Variants in SLC34A1 observed in about 807,000 individuals in gnomAD.
SLC34A1 encodes the protein solute carrier family 34 member 1, also known as sodium-dependent phosphate transport protein 2A.
Under a neutral mutation model 51.4 loss-of-function variants are expected in SLC34A1, and 57 were observed. The observed-to-expected ratio is 1.11, with a 90% CI of 0.90 to 1.38. The LOEUF (loss-of-function observed/expected upper bound fraction) is 1.38, where lower values mean the gene tolerates loss of function less well. Ranked by LOEUF, SLC34A1 falls within the 40% of genes most tolerant of loss-of-function variation. SLC34A1 has a pLI of 0.00. For synonymous variants in SLC34A1, 368 were observed against 358.0 expected (o/e 1.03, Z -0.32); for missense variants, 796 against 835.6 (o/e 0.95, Z 0.58).
rs1024860445 is a variant in SLC34A1 at position 177,398,542 on chromosome 5, A to G, written c.*256A>G. ...TGTGCCAGCCCATGCAGGTGTACAC[A>G]GACACACCTGTGGGAGGCTGTGTGC... is the stretch of plus-strand genomic sequence containing the variant. On this transcript the variant is annotated 3_prime_UTR_variant, in exon 13 of 13. Coordinates refer to ENST00000324417, the MANE Select transcript of SLC34A1 (RefSeq NM_003052.5). The surrounding 1 kb of genome is among the most constrained non-coding windows in gnomAD (Gnocchi z 4.7). 5 of 585,728 alleles carry G rather than the reference A, an allele frequency of 8.5e-6. No homozygotes were observed. Among genetic ancestry groups the G allele is most frequent in the African/African-American group, 7.4e-5 (4 of 53,820 alleles). The allele number at this position is 585,728 out of a possible 1,614,324, so 36.3% of individuals were successfully genotyped here.
chr5:177,389,382 G>C (rs1162246752), intron 8 of SLC34A1, among the ~76,000 whole-genome samples: 1 of 148,770 alleles, frequency 6.7e-6, no homozygotes, highest in African/African-American at 2.6e-5. Flanking sequence ...CCTTCCCCTT[G>C]CTGCTTCTTG....
In SLC34A1 at chr5:177,386,660, G is replaced by A. The variant is rs1762585929; in HGVS notation, c.532+94G>A. 1 of 1,477,254 alleles carries A rather than the reference G, an allele frequency of 6.8e-7. No homozygotes were observed. Among genetic ancestry groups the A allele is most frequent in the South Asian group, 1.1e-5 (1 of 88,150 alleles). The allele number at this position is 1,477,254 out of a possible 1,614,324, so 91.5% of individuals were successfully genotyped here. The stretch of plus-strand genomic sequence containing the variant: ...GGGGAGCGTGACCCCAGTAAGGCTG[G>A]CCTCCATTCAGCTTGACTCCTGTAT... On this transcript the variant is annotated intron_variant, in intron 5 of 12. Coordinates refer to ENST00000324417, the MANE Select transcript of SLC34A1 (RefSeq NM_003052.5). The surrounding 1 kb of genome is among the most constrained non-coding windows in gnomAD (Gnocchi z 4.8).
chr5:177,386,206 G>C lies in SLC34A1; in HGVS notation c.260-15G>C. 1 of 1,614,136 alleles carries C rather than the reference G, an allele frequency of 6.2e-7. No homozygotes were observed. The highest frequency in any genetic ancestry group is 8.5e-7 in the Non-Finnish European group (1 of 1,180,028). ...CTGGCCTCTGCCCACTATGCTCATG[G>C]CTTCCCCCATCCAGAGTCCAGGCTG... On this transcript the variant is annotated splice_polypyrimidine_tract_variant and intron_variant, in intron 3 of 12. Transcript: ENST00000324417. This position sits in a 1 kb window ranked among gnomAD's most constrained non-coding sequence, Gnocchi z 4.8.
intron 5 of SLC34A1, among the ~76,000 whole-genome samples, chr5:177,387,327 A>G (rs532429785): frequency 3.3e-4 from 50 of 152,218 alleles, no homozygotes; most frequent in South Asian, 1.0e-3. Context: ...CCCAGGAGGC[A>G]GAGCTTGCAG....
In SLC34A1 at chr5:177,398,081, G is replaced by A. The variant is rs753244775; in HGVS notation, c.1715G>A (p.Trp572Ter). Reference sequence around the variant, plus strand: ...CGGAGTCCCGGGCACCTGCCCAAGTGGTTACAGACATGGGACTTCCTGCCT... The same window carrying A: ...CGGAGTCCCGGGCACCTGCCCAAGTAGTTACAGACATGGGACTTCCTGCCT... ...QSRSPGHLPK[W>*]LQTWDFLPRW... The change falls in exon 13 of 13, where the codon TGG (tryptophan) becomes TAG (stop). Residue 572 changes from tryptophan to a stop codon, truncating the protein, a stop_gained. Coordinates refer to ENST00000324417, the MANE Select transcript of SLC34A1 (RefSeq NM_003052.5). LOFTEE classifies it high-confidence loss of function. This position sits in a 1 kb window ranked among gnomAD's most constrained non-coding sequence, Gnocchi z 4.7. 16 of 1,613,232 alleles carry A rather than the reference G, an allele frequency of 9.9e-6. No homozygotes were observed. The East Asian group carries it at 3.1e-4, about 31-fold the overall frequency.
At chr5:177,389,033 G>A (rs879378224) in intron 8 of SLC34A1, among the ~76,000 whole-genome samples, 3 of 152,138 alleles carry the variant, frequency 2.0e-5, no homozygotes, top group Admixed American at 6.5e-5. Flanking sequence ...CGCTTGTGCT[G>A]GCATCGGGGG....
chr5:177,393,719 A>G lies in SLC34A1; in HGVS notation c.962A>G (p.Glu321Gly). The change falls in exon 9 of 13, where the codon GAG becomes GGG. Residue 321 changes from glutamate (E) to glycine (G), a missense_variant. Transcript: ENST00000324417. ...GCTCCCACCTCCATGTCCAGAGCAG[A>G]GGCCAACTCCAGCCAGACCCTTGGA... ...LQAPTSMSRA[E>G]ANSSQTLGNA... 6.2e-7 allele frequency: 1 copy of G among 1,614,220 alleles called. No individual in the cohort carries two copies. The highest frequency in any genetic ancestry group is 8.5e-7 in the Non-Finnish European group (1 of 1,180,042).
At chr5:177,391,907 TCAGATCTGCCTAACAGCAAACA>T (rs1327030224) in intron 8 of SLC34A1, among the ~76,000 whole-genome samples, 1 of 152,194 alleles carries the variant, frequency 6.6e-6, no homozygotes. Context: ...GGATTTGAAC[TCAGATCTGCCTAACAGCAAACA>T]CCTGGCTCTC....
rs757849732 is a variant in SLC34A1, at chr5:177,393,678, C to A, written c.937-16C>A. ...GTGTTTTCCTAATTCACTAAGTCACCCTCCTCCTGATCTAGGCTCCCACCT... is the reference window on the plus strand; with the variant it reads ...GTGTTTTCCTAATTCACTAAGTCACACTCCTCCTGATCTAGGCTCCCACCT... On this transcript the variant is annotated splice_polypyrimidine_tract_variant and intron_variant, in intron 8 of 12. Coordinates refer to ENST00000324417, the MANE Select transcript of SLC34A1 (RefSeq NM_003052.5). 6.2e-7 allele frequency: 1 copy of A among 1,613,934 alleles called. No homozygotes were observed. The highest frequency in any genetic ancestry group is 1.1e-5 in the South Asian group (1 of 91,082).
chr5:177,396,036 T>A lies in SLC34A1; in HGVS notation c.1175-697T>A, dbSNP rs1561634215. On this transcript the variant is annotated intron_variant, in intron 10 of 12. Coordinates refer to ENST00000324417, the MANE Select transcript of SLC34A1 (RefSeq NM_003052.5). This position sits in a 1 kb window ranked among gnomAD's most constrained non-coding sequence, Gnocchi z 4.0. ...CTCAGGTGATCCACCCAACTCAGCA[T>A]CCCAAAGTGCTGGGATTATAGGTGT... 6.6e-6 allele frequency among the ~76,000 whole-genome samples: 1 copy of A among 152,184 alleles called. No homozygotes were observed. The highest frequency in any genetic ancestry group is 1.5e-5 in the Non-Finnish European group (1 of 68,028).
rs375525485 is a variant in SLC34A1 at position 177,398,028 on chromosome 5, C to A, written c.1662C>A (p.Phe554Leu). ...CGCCCTTCGGGGCCCTGCTGGCCTT[C>A]GTGGTGCTCATCAATGTCCTGCAGA... ...VGTPFGALLA[F>L]VVLINVLQSR... is the part of the protein sequence containing the mutation. Residue 554 changes from phenylalanine (F) to leucine (L), a missense_variant, in exon 13 of 13, where the codon TTC (phenylalanine) becomes TTA (leucine). Coordinates refer to ENST00000324417, the MANE Select transcript of SLC34A1 (RefSeq NM_003052.5). The surrounding 1 kb of genome is among the most constrained non-coding windows in gnomAD (Gnocchi z 4.7). 6.2e-7 allele frequency: 1 copy of A among 1,614,016 alleles called. No homozygotes were observed. The highest frequency in any genetic ancestry group is 8.5e-7 in the Non-Finnish European group (1 of 1,180,032).
rs1473491279 is a variant in SLC34A1 at position 177,397,776 on chromosome 5, C to T, written c.1417-7C>T. 2 of 1,607,502 alleles carry T rather than the reference C, an allele frequency of 1.2e-6. No homozygotes were observed. The highest frequency in any genetic ancestry group is 1.7e-5 in the Admixed American group (1 of 60,018). ...CCATCTCAGCCCCTCTGCCTCATCCCCTGCAGATTGCCCTCTGTCACTTCT... is the reference window on the plus strand; with the variant it reads ...CCATCTCAGCCCCTCTGCCTCATCCTCTGCAGATTGCCCTCTGTCACTTCT... On this transcript the variant is annotated splice_polypyrimidine_tract_variant and splice_region_variant and intron_variant, in intron 12 of 12. Transcript: ENST00000324417.
intron 12 of SLC34A1, 71 bp downstream of exon 12, chr5:177,397,145 G>A: frequency 1.9e-6 from 3 of 1,566,446 alleles, no homozygotes; most frequent in South Asian, 1.1e-5. Context: ...TCACAAAGGT[G>A]TGACAACATG....
intron 1 of SLC34A1, among the ~76,000 whole-genome samples, chr5:177,385,166 G>C (rs1762516191): frequency 1.3e-5 from 2 of 152,162 alleles, no homozygotes; most frequent in South Asian, 4.1e-4. Flanking sequence ...CCCATGAGAA[G>C]GCAGGTGTCT....
rs1762641704 is a variant in SLC34A1 at position 177,387,801 on chromosome 5, C to G, written c.572C>G (p.Ser191Cys). Residue 191 changes from serine (S) to cysteine (C), a missense_variant, in exon 6 of 13, where the codon TCC becomes TGC. Coordinates refer to ENST00000324417, the MANE Select transcript of SLC34A1 (RefSeq NM_003052.5). ...VSSAIPIIMG[S>C]NIGTSVTNTI... ...TCTGCCATCCCCATCATCATGGGCT[C>G]CAACATCGGCACCTCTGTCACCAAC... 1.2e-6 allele frequency: 2 copies of G among 1,613,900 alleles called. No homozygotes were observed. The highest frequency in any genetic ancestry group is 2.2e-5 in the South Asian group (2 of 91,078).
Position 177,387,884 on chromosome 5 carries a change from C to CGGGGGG in SLC34A1, c.644+11_644+12insGGGGGG. ...GACTGACTTCCGGCGGTGAGGGGGG[C>CGGGGGG]TGGGGGTTGGGGGCTCGTGCCTGGG... On this transcript the variant is annotated intron_variant, in intron 6 of 12. Transcript: ENST00000324417. 1.9e-6 allele frequency: 1 copy of CGGGGGG among 531,874 alleles called. No individual in the cohort carries two copies. Among genetic ancestry groups the CGGGGGG allele is most frequent in the Non-Finnish European group, 2.8e-6 (1 of 355,540 alleles). The allele number at this position is 531,874 out of a possible 1,614,324, so 32.9% of individuals were successfully genotyped here.
intron 8 of SLC34A1, chr5:177,389,508 A>G (rs1283772998): frequency 8.7e-7 from 1 of 1,147,042 alleles, no homozygotes; most frequent in Non-Finnish European, 1.2e-6. Flanking sequence ...GCAGCCTTAC[A>G]TAAAAAAAAA....
intron 6 of SLC34A1, 54 bp downstream of exon 6, chr5:177,387,927 G>T: frequency 6.2e-7 from 1 of 1,609,696 alleles, no homozygotes; most frequent in Non-Finnish European, 8.5e-7. Context: ...AGCCCCAGAT[G>T]CCAGGAACCC....
chr5:177,393,831 C>T, intron 9 of SLC34A1, 68 bp downstream of exon 9: 1 of 1,537,730 alleles, frequency 6.5e-7, no homozygotes, highest in South Asian at 1.1e-5. Flanking sequence ...CAGGGCAATC[C>T]CACACAGCCA....
Sources: gnomAD v4.1 joint callset for allele counts (sites outside exome capture counted in the v4.1 genomes callset) on GRCh38, gnomAD v4.1.1 for gene constraint, Gnocchi (gnomAD v3.1) non-coding constraint, MANE v1.5 for transcripts, NCBI Gene and HGNC (gene_info 2026-07-23, HGNC 2026-07-21) for gene names.